Variants in FBXO17 observed in about 807,000 individuals in gnomAD.
FBXO17 encodes the protein F-box only protein 17.
In FBXO17, 43 loss-of-function variants were observed where a neutral mutation model predicts 34.1. The ratio of observed to expected loss-of-function variants is 1.26; its 90% CI spans 0.99 to 1.62. FBXO17 has a LOEUF of 1.62. Among genes scored for constraint, FBXO17 ranks in the 40% most tolerant of loss-of-function variants. The probability of loss-of-function intolerance (pLI) is 0.00; values close to 1 mark genes in which losing one functional copy is unlikely to be tolerated. For missense variants in FBXO17, 424 were observed against 386.7 expected, an observed-to-expected ratio of 1.10 and a Z score of -0.81; for synonymous variants, 169 against 166.0, an observed-to-expected ratio of 1.02 and a Z score of -0.14.
chr19:38,951,332 G>GT (rs1042307250), intron 1 of FBXO17, among the ~76,000 whole-genome samples: 3 of 151,662 alleles, frequency 2.0e-5, no homozygotes, highest in African/African-American at 7.3e-5. Flanking sequence ...TGCCCAGCTA[G>GT]TTTTTTATTT....
At chr19:38,947,864 T>TAATTTTTAAATTTTTTAGAGACAGAGTC (rs1975009073) in intron 3 of FBXO17, among the ~76,000 whole-genome samples, 2 of 142,916 alleles carry the variant, frequency 1.4e-5, no homozygotes, top group Non-Finnish European at 3.1e-5. Context: ...GTGCCCGGCC[T>TAATTTTTAAATTTTTTAGAGACAGAGTC]TCAGTTTCCT....
chr19:38,955,492 T>C (rs1407928842), intron 1 of FBXO17, among the ~76,000 whole-genome samples: 5 of 150,002 alleles, frequency 3.3e-5, no homozygotes, highest in African/African-American at 9.8e-5. Context: ...TTCTTTTTTT[T>C]TTTTTTTTTG....
At chr19:38,962,944 T>C (rs1025282046) in intron 1 of FBXO17, among the ~76,000 whole-genome samples, 2 of 152,078 alleles carry the variant, frequency 1.3e-5, no homozygotes, top group African/African-American at 2.4e-5. Context: ...TCTCTTGACC[T>C]CGTGATCCAC....
rs1001145599 is a variant in FBXO17 at position 38,945,156 on chromosome 19, G to A, written c.558-52C>T. ...CCCCCGTCACCCAGCCAGCTCTCTG[G>A]GTTTCGGGGCGGGAGGCTGAGGGCT... On this transcript the variant is annotated intron_variant, in intron 4 of 5. Coordinates refer to ENST00000292852, the MANE Select transcript of FBXO17 (RefSeq NM_024907.7). 9 of 1,606,712 alleles carry A rather than the reference G, an allele frequency of 5.6e-6. No homozygotes were observed. The African/African-American group carries it at 9.3e-5, about 17-fold the overall frequency.
At chr19:38,956,876 A>G (rs1308711024) in intron 1 of FBXO17, among the ~76,000 whole-genome samples, 2 of 152,060 alleles carry the variant, frequency 1.3e-5, no homozygotes, top group East Asian at 1.9e-4. Context: ...AAATAAATAA[A>G]TAAATAAAAT....
At chr19:38,972,934 T>C (rs1439143217) in intron 1 of FBXO17, among the ~76,000 whole-genome samples, 1 of 152,072 alleles carries the variant, frequency 6.6e-6, no homozygotes, top group Non-Finnish European at 1.5e-5. Flanking sequence ...TAAATTTTTA[T>C]TTTTGTCGAG....
chr19:38,974,012 A>T (rs1408259917), intron 1 of FBXO17, among the ~76,000 whole-genome samples: 1 of 132,902 alleles, frequency 7.5e-6, no homozygotes, highest in Non-Finnish European at 1.6e-5. Flanking sequence ...TCTCAAATAT[A>T]TATGTGTATA....
intron 1 of FBXO17, among the ~76,000 whole-genome samples, chr19:38,952,054 G>A (rs912016531): frequency 2.6e-5 from 4 of 152,022 alleles, no homozygotes; most frequent in Non-Finnish European, 5.9e-5. Context: ...GGGTTCAAGC[G>A]ATTCTCCTGC....
Position 38,975,061 on chromosome 19 carries a change from G to A in FBXO17, c.-18+525C>T, listed in dbSNP as rs1363812553. ...TCACTGAACATTGCAAAAGTAACTT[G>A]GCAGAACAAAATTTAAATTGAGGGT... On this transcript the variant is annotated intron_variant, in intron 1 of 5. Transcript: ENST00000292852. This position sits in a 1 kb window ranked among gnomAD's most constrained non-coding sequence, Gnocchi z 4.9. Among the ~76,000 whole-genome samples the A allele has an allele frequency of 6.6e-6, 1 of 152,126 alleles. No homozygotes were observed. Among genetic ancestry groups the A allele is most frequent in the African/African-American group, 2.4e-5 (1 of 41,432 alleles).
At chr19:38,944,595 G>A (rs950524283) in intron 5 of FBXO17, 1 of 195,010 alleles carries the variant, frequency 5.1e-6, no homozygotes, top group Admixed American at 5.5e-5. Flanking sequence ...GCATAGTCTT[G>A]GTGCCAGATT....
At chr19:38,953,041 C>G (rs1975110238) in intron 1 of FBXO17, among the ~76,000 whole-genome samples, 1 of 152,180 alleles carries the variant, frequency 6.6e-6, no homozygotes, top group African/African-American at 2.4e-5. Flanking sequence ...CTGGCTCATG[C>G]CTGTAATTCC....
At chr19:38,945,149 C>T in intron 4 of FBXO17, 45 bp from the exon 5 acceptor site, 2 of 1,609,736 alleles carry the variant, frequency 1.2e-6, no homozygotes, top group Non-Finnish European at 1.7e-6. Flanking sequence ...ACCCAGCCAG[C>T]TCTCTGGGTT....
chr19:38,965,479 C>G (rs1975308061), intron 1 of FBXO17, among the ~76,000 whole-genome samples: 1 of 151,982 alleles, frequency 6.6e-6, no homozygotes, highest in Non-Finnish European at 1.5e-5. Context: ...AGGCGCCCAC[C>G]ACCACATCTG....
chr19:38,953,327 G>C (rs1280307296), intron 1 of FBXO17, among the ~76,000 whole-genome samples: 1 of 149,914 alleles, frequency 6.7e-6, no homozygotes, highest in East Asian at 2.0e-4. Context: ...AAAAAGAATA[G>C]CAAAAAAAGT....
At chr19:38,945,456 T>A (rs866299401) in intron 4 of FBXO17, 61 of 185,702 alleles carry the variant, frequency 3.3e-4, no homozygotes, top group African/African-American at 2.4e-3. Flanking sequence ...GTCTGGGTGG[T>A]CCTGGAGTGG....
In FBXO17 at chr19:38,942,489, C is replaced by T. The variant is rs539729622; in HGVS notation, c.*119G>A. 4.3e-5 allele frequency: 48 copies of T among 1,129,160 alleles called. No individual in the cohort carries two copies. The African/African-American group carries it at 5.1e-4, about 12-fold the overall frequency. The allele number at this position is 1,129,160 out of a possible 1,614,324, so 69.9% of individuals were successfully genotyped here. On this transcript the variant is annotated 3_prime_UTR_variant, in exon 6 of 6. Transcript: ENST00000292852. ...GTTGCCCAGGCTGGTCTTGAACTCC[C>T]GAGCTCCAGTGATCCTCCCACCTCG...
intron 1 of FBXO17, among the ~76,000 whole-genome samples, chr19:38,969,588 CTTTTTTTTT>C (rs67681512): frequency 2.9e-5 from 3 of 103,494 alleles, no homozygotes; most frequent in Non-Finnish European, 5.6e-5. Flanking sequence ...AACCACTGGG[CTTTTTTTTT>C]TTTTTTTTTT....
intron 1 of FBXO17, among the ~76,000 whole-genome samples, chr19:38,973,025 G>A (rs113828750): frequency 0.012 from 1,791 of 152,278 alleles, 23 homozygotes; most frequent in Non-Finnish European, 0.018. Context: ...ATAAGTCACC[G>A]GCCTGGCGGC....
intron 1 of FBXO17, among the ~76,000 whole-genome samples, chr19:38,954,919 ATTATTAT>A (rs1261654006): frequency 1.9e-4 from 24 of 129,544 alleles, no homozygotes; most frequent in African/African-American, 7.5e-4. Flanking sequence ...TATTATTATT[ATTATTAT>A]TATTATTATT....
Sources: allele counts gnomAD v4.1 joint callset (sites outside exome capture counted in the v4.1 genomes callset), GRCh38; gene constraint gnomAD v4.1.1; non-coding constraint Gnocchi (gnomAD v3.1); transcripts MANE v1.5; gene names NCBI Gene and HGNC (gene_info 2026-07-23, HGNC 2026-07-21).